The following CIRBP variants were observed in gnomAD, a reference collection of about 807,000 sequenced individuals.
CIRBP encodes cold-inducible RNA-binding protein.
A neutral mutation model predicts 22.3 loss-of-function variants in CIRBP; 11 were observed. That is an observed-to-expected ratio of 0.49 (90% CI 0.31 to 0.82). The LOEUF is 0.82. CIRBP is among the 40% of genes least tolerant of loss of function. The pLI is 0.05. For synonymous variants in CIRBP, 216 were observed against 158.8 expected (o/e 1.36, Z -2.71); for missense variants, 456 against 402.7 (o/e 1.13, Z -1.13).
rs766514458 is a variant in CIRBP at position 1,271,670 on chromosome 19, G to A, written c.431+38G>A. On this transcript the variant is annotated intron_variant, in intron 5 of 5. Transcript: ENST00000587896. ...CCGGCCCAAGCACAGGGGTGGTTGC[G>A]GGATGGCCAGCTTCCGTCCCGGGTC... The A allele has an allele frequency of 5.4e-5, 71 of 1,303,060 alleles. 1 individual carries two copies. The highest frequency in any genetic ancestry group is 5.1e-4 in the Middle Eastern group (2 of 3,950). The allele number at this position is 1,303,060 out of a possible 1,614,324, so 80.7% of individuals were successfully genotyped here. A position where few individuals can be genotyped will look rare whatever the true frequency, so the allele number is the denominator to read the frequency against.
rs921380812 is a variant in CIRBP, at chr19:1,273,853, G to C, written c.*1410G>C. The C allele has an allele frequency of 1.9e-5, 3 of 158,524 alleles. No individual in the cohort carries two copies. The highest frequency in any genetic ancestry group is 2.1e-4 in the South Asian group (1 of 4,854). 9.8% of individuals were successfully genotyped at this position (158,524 alleles called of 1,614,324 possible). A position where few individuals can be genotyped will look rare whatever the true frequency, so the allele number is the denominator to read the frequency against. On this transcript the variant is annotated 3_prime_UTR_variant, in exon 6 of 6. Coordinates refer to ENST00000587896, the MANE Select transcript of CIRBP (RefSeq NM_001300829.2). ...GTTTTTGTTTTTTTCAATTAAGCTG[G>C]AACTAAAGTCAGGCCCAGCCATTAC...
intron 5 of CIRBP, 117 bp from the exon 6 acceptor site, chr19:1,271,864 G>T: frequency 1.1e-6 from 1 of 896,510 alleles, no homozygotes; most frequent in African/African-American, 1.7e-5. Flanking sequence ...GCCCTGCTGG[G>T]GTCCTTGTTG....
At chr19:1,270,232 G>C (rs1249583806) in intron 1 of CIRBP, 2 of 362,302 alleles carry the variant, frequency 5.5e-6, no homozygotes, top group Non-Finnish European at 1.1e-5. Context: ...CTGACAGCCA[G>C]CCCCCCCCCC....
rs911035469 is a variant in CIRBP at position 1,273,510 on chromosome 19, A to C, written c.*1067A>C. On this transcript the variant is annotated 3_prime_UTR_variant, in exon 6 of 6. Coordinates refer to ENST00000587896, the MANE Select transcript of CIRBP (RefSeq NM_001300829.2). ...TCAGTCTAGAAGCAGGCCAGAGAGC[A>C]GAGGCACGTGGCATCCCAGGGCGAC... 3 of 152,328 alleles carry C rather than the reference A, an allele frequency of 2.0e-5. No homozygotes were observed. Among genetic ancestry groups the C allele is most frequent in the African/African-American group, 7.2e-5 (3 of 41,454 alleles). 9.4% of individuals were successfully genotyped at this position (152,328 alleles called of 1,614,324 possible).
chr19:1,271,088 C>T (rs1837488398), intron 2 of CIRBP, 52 bp downstream of exon 2: 4 of 1,610,588 alleles, frequency 2.5e-6, no homozygotes, highest in Non-Finnish European at 1.7e-6. Flanking sequence ...TGTGCTCCTC[C>T]TACCTGGAAG....
rs201218530 is a variant in CIRBP, at chr19:1,272,649, G to GT, written c.*215dup. The stretch of plus-strand genomic sequence containing the variant: ...AGACTTTTCTTTTTAAGGAAGTGCT[G>GT]TTTTTTTTTGAGGGTTTTCAAAACA... On this transcript the variant is annotated 3_prime_UTR_variant, in exon 6 of 6. Transcript: ENST00000587896. 0.012 allele frequency: 5,097 copies of GT among 409,810 alleles called. 13 individuals are homozygous for GT. The highest frequency in any genetic ancestry group is 0.018 in the Middle Eastern group (29 of 1,568). The allele number at this position is 409,810 out of a possible 1,614,324, so 25.4% of individuals were successfully genotyped here.
At position 1,274,024 on chromosome 19, in the gene CIRBP, TCA is replaced by T. The variant is rs2081383934; in HGVS notation, c.*1585_*1586del. ...ACCGTCTTTTCCAGACCTCTTTAAGTCACACTCTTAACTTAGCTTTCTCTGAT... is the reference window on the plus strand; with the variant it reads ...ACCGTCTTTTCCAGACCTCTTTAAGTCACTCTTAACTTAGCTTTCTCTGAT... On this transcript the variant is annotated 3_prime_UTR_variant, in exon 6 of 6. Coordinates refer to ENST00000587896, the MANE Select transcript of CIRBP (RefSeq NM_001300829.2). 4 of 309,766 alleles carry T rather than the reference TCA, an allele frequency of 1.3e-5. No individual in the cohort carries two copies. 19.2% of individuals were successfully genotyped at this position (309,766 alleles called of 1,614,324 possible). A position where few individuals can be genotyped will look rare whatever the true frequency, so the allele number is the denominator to read the frequency against.
chr19:1,270,819 A>T, intron 1 of CIRBP, 109 bp from the exon 2 acceptor site: 2 of 806,118 alleles, frequency 2.5e-6, no homozygotes, highest in Non-Finnish European at 4.2e-6. Flanking sequence ...TAAAAATCTG[A>T]TTTTCTAATA....
rs1035254114 is a variant in CIRBP, at chr19:1,274,498, G to T, written c.*2055G>T. On this transcript the variant is annotated 3_prime_UTR_variant, in exon 6 of 6. Transcript: ENST00000587896. ...CTGAGCCCTGTCCCGGGCGGCACCT[G>T]GGCGTTTCAGTGAGTCCTGCTCTCC... The T allele has an allele frequency of 4.4e-5, 17 of 390,398 alleles. No individual in the cohort carries two copies. The highest frequency in any genetic ancestry group is 6.8e-5 in the Non-Finnish European group (15 of 220,358). 24.2% of individuals were successfully genotyped at this position (390,398 alleles called of 1,614,324 possible). A position where few individuals can be genotyped will look rare whatever the true frequency, so the allele number is the denominator to read the frequency against.
At chr19:1,271,843 T>A (rs2081346363) in intron 5 of CIRBP, 138 bp from the exon 6 acceptor site, 1 of 800,278 alleles carries the variant, frequency 1.2e-6, no homozygotes, top group African/African-American at 1.7e-5. Context: ...TTGAACAATT[T>A]CCAAGATGCT....
Position 1,272,392 on chromosome 19 carries a change from G to T in CIRBP, c.843G>T (p.Ser281=). 6.3e-7 allele frequency: 1 copy of T among 1,598,804 alleles called. No individual in the cohort carries two copies. Among genetic ancestry groups the T allele is most frequent in the Non-Finnish European group, 8.5e-7 (1 of 1,173,192 alleles). The change falls in exon 6 of 6, where the codon TCG becomes TCT. Residue 281 remains serine, a synonymous_variant. Transcript: ENST00000587896. ...GGGTGAAGCTGCCTCTTGTTGCTTCGGTGCCTTTACACTGTGCCTGCTTCT... is the reference window on the plus strand; with the variant it reads ...GGGTGAAGCTGCCTCTTGTTGCTTCTGTGCCTTTACACTGTGCCTGCTTCT... ...ASGVKLPLVA[S]VPLHCACFLS...
intron 1 of CIRBP, chr19:1,270,003 CAG>C (rs1274452853): frequency 1.9e-6 from 1 of 519,888 alleles, no homozygotes; most frequent in Admixed American, 1.9e-5. Flanking sequence ...GTCTAGTTCT[CAG>C]AGCCACTGGG....
chr19:1,271,315 C>T lies in CIRBP; in HGVS notation c.211-14C>T, dbSNP rs1449978433. The T allele has an allele frequency of 2.5e-5, 41 of 1,614,078 alleles. No homozygotes were observed. The highest frequency in any genetic ancestry group is 3.4e-5 in the Non-Finnish European group (40 of 1,180,044). On this transcript the variant is annotated splice_polypyrimidine_tract_variant and intron_variant, in intron 3 of 5. Transcript: ENST00000587896. ...GGCACCCACCTGCTAACCCGTCCCG[C>T]CCTCTGTCTCCAGTCTGTAGATGGA... is the stretch of plus-strand genomic sequence containing the variant.
chr19:1,272,703 C>A lies in CIRBP; in HGVS notation c.*260C>A. ...TGAAAAGCATTTACTTTTTTGACCACGAGCCATGAGTTTTCAAAAAAATCG... is the reference window on the plus strand; with the variant it reads ...TGAAAAGCATTTACTTTTTTGACCAAGAGCCATGAGTTTTCAAAAAAATCG... On this transcript the variant is annotated 3_prime_UTR_variant, in exon 6 of 6. Coordinates refer to ENST00000587896, the MANE Select transcript of CIRBP (RefSeq NM_001300829.2). 1 of 352,548 alleles carries A rather than the reference C, an allele frequency of 2.8e-6. No homozygotes were observed. Among genetic ancestry groups the A allele is most frequent in the African/African-American group, 2.1e-5 (1 of 47,368 alleles). The allele number at this position is 352,548 out of a possible 1,614,324, so 21.8% of individuals were successfully genotyped here. A position where few individuals can be genotyped will look rare whatever the true frequency, so the allele number is the denominator to read the frequency against.
intron 1 of CIRBP, among the ~76,000 whole-genome samples, 181 bp downstream of exon 1, chr19:1,269,591 C>T (rs1258404309): frequency 6.6e-6 from 1 of 151,598 alleles, no homozygotes; most frequent in Non-Finnish European, 1.5e-5. Flanking sequence ...AGGGCCTCTC[C>T]CCGCCGGTCC....
In CIRBP at chr19:1,272,397, C is replaced by G. The variant is rs776560463; in HGVS notation, c.848C>G (p.Pro283Arg). The G allele has an allele frequency of 4.4e-6, 7 of 1,586,370 alleles. No individual in the cohort carries two copies. The highest frequency in any genetic ancestry group is 3.7e-5 in the Admixed American group (2 of 54,138). ...AAGCTGCCTCTTGTTGCTTCGGTGC[C>G]TTTACACTGTGCCTGCTTCTTGTCC... ...GVKLPLVASV[P>R]LHCACFLSSA... The change falls in exon 6 of 6, where the codon CCT (proline) becomes CGT (arginine). Residue 283 changes from proline (P) to arginine (R), a missense_variant. By Grantham distance (103) the Pro-to-Arg change is moderately radical. Coordinates refer to ENST00000587896, the MANE Select transcript of CIRBP (RefSeq NM_001300829.2).
rs1364239683 is a variant in CIRBP at position 1,271,029 on chromosome 19, C to T, written c.96C>T (p.Ile32=). 1.2e-6 allele frequency: 2 copies of T among 1,613,878 alleles called. No homozygotes were observed. The highest frequency in any genetic ancestry group is 1.7e-6 in the Non-Finnish European group (2 of 1,179,882). ...LEQVFSKYGQ[I]SEVVVVKDRE... ...AGGTCTTCTCAAAGTACGGACAGATCTCTGAAGGTGAGGCTGCTGCTGGGC... is the reference window on the plus strand; with the variant it reads ...AGGTCTTCTCAAAGTACGGACAGATTTCTGAAGGTGAGGCTGCTGCTGGGC... The change falls in exon 2 of 6, where the codon ATC becomes ATT. Residue 32 remains isoleucine (I), a synonymous_variant. Transcript: ENST00000587896.
intron 1 of CIRBP, chr19:1,269,910 A>G (rs762981244): frequency 6.5e-5 from 34 of 519,752 alleles, no homozygotes; most frequent in Admixed American, 6.4e-4. Flanking sequence ...GGCCCGTTCT[A>G]GTGTGGTTCC....
In CIRBP at chr19:1,272,139, G is replaced by A. The variant is rs2081352781; in HGVS notation, c.590G>A (p.Trp197Ter). ...TLVPSPSTLG[W>*]TLRPCHCACP... ...GTGCCCTCTCCAAGCACTTTAGGCT[G>A]GACACTCAGACCTTGTCACTGTGCT... The change falls in exon 6 of 6, where the codon TGG becomes TAG. Residue 197 changes from tryptophan to a stop codon, truncating the protein, a stop_gained. Transcript: ENST00000587896. LOFTEE classifies it low-confidence loss of function (END_TRUNC). 1 of 1,612,582 alleles carries A rather than the reference G, an allele frequency of 6.2e-7. No individual in the cohort carries two copies. The highest frequency in any genetic ancestry group is 1.3e-5 in the African/African-American group (1 of 74,936).
Sources: allele counts gnomAD v4.1 joint callset (sites outside exome capture counted in the v4.1 genomes callset), GRCh38; gene constraint gnomAD v4.1.1; transcripts MANE v1.5; gene names NCBI Gene and HGNC (gene_info 2026-07-23, HGNC 2026-07-21).